Variants in RHOT1 observed in about 807,000 individuals in gnomAD.
RHOT1 encodes ras homolog family member T1, also known as mitochondrial Rho GTPase 1.
RHOT1 carries 27 observed loss-of-function variants against 95.3 expected under a neutral mutation model. The ratio of observed to expected loss-of-function variants is 0.28; its 90% CI spans 0.21 to 0.39. The LOEUF (loss-of-function observed/expected upper bound fraction) is 0.39. Among genes scored for constraint, RHOT1 ranks in the 10% least tolerant of loss-of-function variants. RHOT1 has a pLI of 1.00. For synonymous variants in RHOT1, 227 were observed against 263.5 expected (o/e 0.86, Z 1.34); for missense variants, 578 against 786.7 (o/e 0.73, Z 3.17).
intron 19 of RHOT1, chr17:32,222,854 AT>A: frequency 8.1e-6 from 8 of 985,790 alleles, no homozygotes; most frequent in Non-Finnish European, 9.6e-6. Flanking sequence ...TCTGTAGAAG[AT>A]TCCATCTTCA....
chr17:32,188,099 C>T (rs2036193975), intron 8 of RHOT1, among the ~76,000 whole-genome samples: 3 of 152,310 alleles, frequency 2.0e-5, no homozygotes, highest in African/African-American at 7.2e-5. Context: ...GAGTGCACTA[C>T]TAATTGCGCT....
intron 1 of RHOT1, chr17:32,151,567 T>C (rs1411671811): frequency 2.3e-5 from 9 of 384,222 alleles, no homozygotes; most frequent in Non-Finnish European, 4.0e-5. Flanking sequence ...GGTGTGTCTC[T>C]CTCTCAATGA....
intron 11 of RHOT1, among the ~76,000 whole-genome samples, chr17:32,196,035 C>T (rs922056673): frequency 6.6e-6 from 1 of 152,082 alleles, no homozygotes; most frequent in Non-Finnish European, 1.5e-5. Context: ...TGCAAAATAA[C>T]TCCCTGGAGC....
At position 32,183,240 on chromosome 17, in the gene RHOT1, A is replaced by T; in HGVS notation, c.508A>T (p.Thr170Ser). 1 of 1,547,016 alleles carries T rather than the reference A, an allele frequency of 6.5e-7. No individual in the cohort carries two copies. Among genetic ancestry groups the T allele is most frequent in the Non-Finnish European group, 8.7e-7 (1 of 1,143,578 alleles). ...CGCACAGAAAGCTGTTCTTCATCCT[A>T]CAGGGCCCCTGTACTGCCCAGAGGA... ...YYAQKAVLHP[T>S]GPLYCPEEKE... Residue 170 changes from threonine to serine, a missense_variant, in exon 8 of 20, where the codon ACA becomes TCA. Transcript: ENST00000545287.
rs1387148658 is a variant in RHOT1 at position 32,224,770 on chromosome 17, C to G, written c.*37C>G. 1.6e-6 allele frequency: 2 copies of G among 1,217,776 alleles called. No individual in the cohort carries two copies. Among genetic ancestry groups the G allele is most frequent in the Admixed American group, 1.8e-5 (1 of 55,680 alleles). The allele number at this position is 1,217,776 out of a possible 1,614,324, so 75.4% of individuals were successfully genotyped here. On this transcript the variant is annotated 3_prime_UTR_variant, in exon 20 of 20. Coordinates refer to ENST00000545287, the MANE Select transcript of RHOT1 (RefSeq NM_001033566.3). ...ATACTGTCCCTACCAAAAACAAATACTTTTATGTACATTCTGAATGCTTTA... is the reference window on the plus strand; with the variant it reads ...ATACTGTCCCTACCAAAAACAAATAGTTTTATGTACATTCTGAATGCTTTA...
At chr17:32,168,393 G>A (rs996128164) in intron 1 of RHOT1, among the ~76,000 whole-genome samples, 3 of 151,762 alleles carry the variant, frequency 2.0e-5, no homozygotes, top group Non-Finnish European at 2.9e-5. Flanking sequence ...CCTCAGCCTC[G>A]CAAGTAGCTG....
intron 11 of RHOT1, among the ~76,000 whole-genome samples, chr17:32,197,610 A>T (rs1013578782): frequency 2.0e-5 from 3 of 151,544 alleles, no homozygotes; most frequent in Non-Finnish European, 4.4e-5. Context: ...TTGTATTTTT[A>T]GTAGAGACGG....
At chr17:32,211,606 T>C (rs1391837476) in intron 19 of RHOT1, among the ~76,000 whole-genome samples, 4 of 152,176 alleles carry the variant, frequency 2.6e-5, no homozygotes, top group Admixed American at 1.3e-4. Context: ...ATGAAAGATA[T>C]TATACTGTAC....
rs774116598 is a variant in RHOT1 at position 32,194,105 on chromosome 17, C to T, written c.867C>T (p.Pro289=). The T allele has an allele frequency of 6.2e-7, 1 of 1,610,140 alleles. No individual in the cohort carries two copies. The highest frequency in any genetic ancestry group is 2.2e-5 in the East Asian group (1 of 44,804). Reference sequence around the variant, plus strand: ...ATTTGACACCTGAATATTTGTTCCCCCTGTATGTACCTTTGTTTTTTTTGT... The same window carrying T: ...ATTTGACACCTGAATATTTGTTCCCTCTGTATGTACCTTTGTTTTTTTTGT... ...DLDLTPEYLF[P]LLKIPPDCTT... The change falls in exon 11 of 20, where the codon CCC becomes CCT. Residue 289 remains proline (P), a splice_region_variant and synonymous_variant. Transcript: ENST00000545287.
At chr17:32,186,233 G>A (rs958891432) in intron 8 of RHOT1, among the ~76,000 whole-genome samples, 1 of 152,240 alleles carries the variant, frequency 6.6e-6, no homozygotes, top group African/African-American at 2.4e-5. Flanking sequence ...AGCCATCCTA[G>A]TAGATGTGGT....
At chr17:32,209,184 C>T (rs2037960689) in intron 18 of RHOT1, 1 of 385,642 alleles carries the variant, frequency 2.6e-6, no homozygotes, top group Non-Finnish European at 4.6e-6. Flanking sequence ...TTTTTAAAGT[C>T]AGTTAACTTT....
intron 6 of RHOT1, among the ~76,000 whole-genome samples, chr17:32,177,058 A>G (rs914359032): frequency 2.0e-5 from 3 of 152,192 alleles, no homozygotes; most frequent in African/African-American, 7.2e-5. Flanking sequence ...GGAGACTGAG[A>G]TGACATTATA....
chr17:32,199,946 T>C (rs1438019348), intron 13 of RHOT1, among the ~76,000 whole-genome samples: 2 of 148,592 alleles, frequency 1.3e-5, no homozygotes, highest in Non-Finnish European at 3.0e-5. Context: ...ATGAACTCTT[T>C]TTTTTTTTTT....
At chr17:32,198,829 G>A in intron 11 of RHOT1, 118 bp from the exon 12 acceptor site, 1 of 665,668 alleles carries the variant, frequency 1.5e-6, no homozygotes, top group Non-Finnish European at 2.6e-6. Flanking sequence ...ATGATACCAA[G>A]TGAAGATATT....
intron 18 of RHOT1, 178 bp downstream of exon 18, chr17:32,208,487 G>T (rs1391992883): frequency 1.6e-6 from 1 of 610,474 alleles, no homozygotes; most frequent in Middle Eastern, 4.4e-4. Context: ...ATAATAAAAT[G>T]ATATAAACAG....
intron 19 of RHOT1, chr17:32,221,165 C>T (rs934416987): frequency 1.2e-5 from 4 of 343,662 alleles, no homozygotes; most frequent in East Asian, 1.7e-4. Flanking sequence ...ATCAGGAGAT[C>T]GAGACCATCG....
At chr17:32,223,240 GAGGCAAAGT>G (rs2038938450) in intron 19 of RHOT1, among the ~76,000 whole-genome samples, 1 of 151,934 alleles carries the variant, frequency 6.6e-6, no homozygotes, top group Non-Finnish European at 1.5e-5. Flanking sequence ...GACTATTACT[GAGGCAAAGT>G]AGTTTTGTGC....
At chr17:32,199,111 T>C (rs1197496070) in intron 12 of RHOT1, 80 bp downstream of exon 12, 2 of 1,143,940 alleles carry the variant, frequency 1.7e-6, no homozygotes, top group Non-Finnish European at 1.3e-6. Flanking sequence ...CCCTGAGCTA[T>C]GGGATGTGTA....
chr17:32,189,736 CTTTTTT>C (rs71362807), intron 8 of RHOT1, among the ~76,000 whole-genome samples: 1 of 124,396 alleles, frequency 8.0e-6, no homozygotes, highest in Non-Finnish European at 1.7e-5. Context: ...CTTTTCTTTT[CTTTTTT>C]TTTTTTTTTT....
Sources: gnomAD v4.1 joint callset for allele counts (sites outside exome capture counted in the v4.1 genomes callset) on GRCh38, gnomAD v4.1.1 for gene constraint, MANE v1.5 for transcripts, NCBI Gene and HGNC (gene_info 2026-07-23, HGNC 2026-07-21) for gene names.